CERS6: variants seen among roughly 807,000 people sequenced by gnomAD.
The protein encoded by CERS6 is LAG1 homolog, ceramide synthase 6.
A neutral mutation model predicts 56.8 loss-of-function variants in CERS6; 26 were observed. The observed-to-expected ratio is 0.46, with a 90% CI of 0.34 to 0.63. CERS6 has a LOEUF of 0.63. Ranked by LOEUF, CERS6 falls within the 30% of genes least tolerant of loss-of-function variation. The pLI is 0.01. For missense variants in CERS6, 415 were observed against 467.5 expected (o/e 0.89, Z 1.04); for synonymous variants, 164 against 173.3 (o/e 0.95, Z 0.42).
At chr2:168,655,129 G>A (rs892895991) in intron 4 of CERS6, among the ~76,000 whole-genome samples, 3 of 152,172 alleles carry the variant, frequency 2.0e-5, no homozygotes, top group African/African-American at 4.8e-5. Flanking sequence ...ACCGACATAT[G>A]AGAAGGTGCT....
At chr2:168,631,818 A>T (rs1390091400) in intron 4 of CERS6, among the ~76,000 whole-genome samples, 1 of 130,644 alleles carries the variant, frequency 7.7e-6, no homozygotes, top group Non-Finnish European at 1.6e-5. Flanking sequence ...ATAATTTATT[A>T]TATATTATAT....
chr2:168,765,435 T>C (rs1355918068), intron 8 of CERS6, among the ~76,000 whole-genome samples, 157 bp from the exon 9 acceptor site: 1 of 152,188 alleles, frequency 6.6e-6, no homozygotes, highest in Non-Finnish European at 1.5e-5. Context: ...CTTCAGGAAA[T>C]GACATTTCTA....
chr2:168,565,078 A>G (rs772215603), intron 3 of CERS6, among the ~76,000 whole-genome samples: 12 of 152,252 alleles, frequency 7.9e-5, no homozygotes, highest in Non-Finnish European at 1.3e-4. Flanking sequence ...TTACCTGACT[A>G]TGGAAAGCTC....
chr2:168,459,144 C>G (rs1488031766), intron 1 of CERS6, among the ~76,000 whole-genome samples: 3 of 152,212 alleles, frequency 2.0e-5, no homozygotes, highest in Non-Finnish European at 4.4e-5. Context: ...AGATTCTTCT[C>G]TTTGTATGCT....
At chr2:168,677,919 T>C (rs776526568) in intron 4 of CERS6, among the ~76,000 whole-genome samples, 2 of 152,244 alleles carry the variant, frequency 1.3e-5, no homozygotes, top group African/African-American at 4.8e-5. Context: ...AAGACATTTA[T>C]GCAGCCAACA....
chr2:168,645,116 A>AAAAAATATATATAT (rs1553503146), intron 4 of CERS6, among the ~76,000 whole-genome samples: 1 of 19,018 alleles, frequency 5.3e-5, no homozygotes, highest in Non-Finnish European at 1.0e-4. Flanking sequence ...AAAAAAAAAA[A>AAAAAATATATATAT]ATATATATAT....
At chr2:168,729,291 A>T (rs1271260483) in intron 8 of CERS6, among the ~76,000 whole-genome samples, 1 of 151,810 alleles carries the variant, frequency 6.6e-6, no homozygotes, top group Admixed American at 6.6e-5. Flanking sequence ...CATCTCACTT[A>T]CTTGAGAGAA....
At chr2:168,629,877 G>T (rs1003501313) in intron 3 of CERS6, among the ~76,000 whole-genome samples, 4 of 151,540 alleles carry the variant, frequency 2.6e-5, no homozygotes, top group African/African-American at 9.7e-5. Flanking sequence ...GTGCAGTGGT[G>T]GGATCTCGGC....
rs1032183166 is a variant in CERS6 at position 168,594,265 on chromosome 2, G to A, written c.407+32943G>A. On this transcript the variant is annotated intron_variant, in intron 3 of 9. Coordinates refer to ENST00000305747, the MANE Select transcript of CERS6 (RefSeq NM_203463.3). ...ATTACTTGGTGCTTCTTTGTCGAGTGACTCATTCATCAAATGAAGATACTT... is the reference window on the plus strand; with the variant it reads ...ATTACTTGGTGCTTCTTTGTCGAGTAACTCATTCATCAAATGAAGATACTT... 3.9e-5 allele frequency among the ~76,000 whole-genome samples: 6 copies of A among 152,226 alleles called. No homozygotes were observed. The South Asian group carries it at 1.2e-3, about 32-fold the overall frequency.
intron 1 of CERS6, among the ~76,000 whole-genome samples, chr2:168,521,346 G>A: frequency 6.6e-6 from 1 of 152,052 alleles, no homozygotes; most frequent in Non-Finnish European, 1.5e-5. Context: ...TTTCAAATTT[G>A]ACTGCATTTT....
chr2:168,563,489 T>G (rs1037879127), intron 3 of CERS6, among the ~76,000 whole-genome samples: 4 of 152,088 alleles, frequency 2.6e-5, no homozygotes, highest in African/African-American at 9.7e-5. Flanking sequence ...AGGTCAAAGA[T>G]AGATATTAGA....
At chr2:168,745,711 G>C (rs1276060788) in intron 8 of CERS6, among the ~76,000 whole-genome samples, 1 of 152,170 alleles carries the variant, frequency 6.6e-6, no homozygotes, top group Non-Finnish European at 1.5e-5. Context: ...ATTCAGACCT[G>C]GAGAAATATG....
intron 1 of CERS6, among the ~76,000 whole-genome samples, chr2:168,531,509 A>G (rs1695166086): frequency 6.6e-6 from 1 of 152,142 alleles, no homozygotes; most frequent in African/African-American, 2.4e-5. Context: ...TGCTCTTCCC[A>G]TAACATGTTT....
chr2:168,488,899 A>C (rs6718042), intron 1 of CERS6, among the ~76,000 whole-genome samples: 8,371 of 152,250 alleles, frequency 0.055, 338 homozygotes, highest in East Asian at 0.18. Context: ...ACATACATTG[A>C]AACCCCACCA....
rs1157404231 is a variant in CERS6, at chr2:168,728,947, T to G, written c.845+10969T>G. The stretch of plus-strand genomic sequence containing the variant: ...ATTGCCAGAACCCGGGATGCGGAGG[T>G]TGCAGTGAGCCAAGATTGTGCCACT... On this transcript the variant is annotated intron_variant, in intron 8 of 9. Transcript: ENST00000305747. Among the ~76,000 whole-genome samples the G allele has an allele frequency of 2.0e-5, 3 of 148,956 alleles. No individual in the cohort carries two copies. The East Asian group carries it at 6.0e-4, about 30-fold the overall frequency.
In CERS6 at chr2:168,626,703, T is replaced by C. The variant is rs764092935; in HGVS notation, c.408-4282T>C. On this transcript the variant is annotated intron_variant, in intron 3 of 9. Coordinates refer to ENST00000305747, the MANE Select transcript of CERS6 (RefSeq NM_203463.3). Reference sequence around the variant, plus strand: ...CTTTAGAGTCACTGCTAGGTTTGTGTCCCAGTTTTTCCATTTACCAGGCGT... The same window carrying C: ...CTTTAGAGTCACTGCTAGGTTTGTGCCCCAGTTTTTCCATTTACCAGGCGT... Among the ~76,000 whole-genome samples the C allele has an allele frequency of 6.0e-4, 92 of 152,196 alleles. 1 individual carries two copies. Among genetic ancestry groups the C allele is most frequent in the Non-Finnish European group, 9.7e-4 (66 of 68,026 alleles).
intron 5 of CERS6, 92 bp downstream of exon 5, chr2:168,691,176 C>T (rs1686492476): frequency 1.7e-6 from 2 of 1,147,804 alleles, no homozygotes; most frequent in Admixed American, 1.7e-5. Flanking sequence ...ACAGGTTGGA[C>T]AACCACCTTC....
Position 168,456,354 on chromosome 2 carries a change from GC to G in CERS6, c.-94del. The G allele has an allele frequency of 1.0e-6, 1 of 961,392 alleles. No homozygotes were observed. The highest frequency in any genetic ancestry group is 1.4e-6 in the Non-Finnish European group (1 of 727,790). The allele number at this position is 961,392 out of a possible 1,614,324, so 59.6% of individuals were successfully genotyped here. On this transcript the variant is annotated 5_prime_UTR_variant, in exon 1 of 10. Transcript: ENST00000305747. The surrounding 1 kb of genome is among the most constrained non-coding windows in gnomAD (Gnocchi z 4.1). ...GGGAGCAGCGGCGGCGGCGGCACAG[GC>G]TCGGGGCCAGCCGGGCGCGCATCCC...
chr2:168,745,317 C>T (rs1308071031), intron 8 of CERS6, among the ~76,000 whole-genome samples: 1 of 151,974 alleles, frequency 6.6e-6, no homozygotes, highest in Admixed American at 6.5e-5. Flanking sequence ...TCTCGGCTCA[C>T]TGCAAGGTCC....
Sources: allele counts gnomAD v4.1 joint callset (sites outside exome capture counted in the v4.1 genomes callset), GRCh38; gene constraint gnomAD v4.1.1; non-coding constraint Gnocchi (gnomAD v3.1); transcripts MANE v1.5; gene names NCBI Gene and HGNC (gene_info 2026-07-23, HGNC 2026-07-21).